Variants in PPARGC1A observed in about 807,000 individuals in gnomAD.
PPARGC1A encodes the protein PPARG coactivator 1 alpha, also known as peroxisome proliferator-activated receptor gamma coactivator 1-alpha.
PPARGC1A carries 25 observed loss-of-function variants against 88.7 expected under a neutral mutation model. The ratio of observed to expected loss-of-function variants is 0.28; its 90% CI spans 0.21 to 0.39. The LOEUF is 0.39. PPARGC1A is among the 10% of genes least tolerant of loss of function. The pLI is 1.00. For synonymous variants in PPARGC1A, 363 were observed against 355.6 expected, an observed-to-expected ratio of 1.02 and a Z score of -0.24; for missense variants, 880 against 968.7, an observed-to-expected ratio of 0.91 and a Z score of 1.22.
the PPARGC1A span, among the ~76,000 whole-genome samples, chr4:24,360,491 C>G: frequency 5.9e-5 from 9 of 152,268 alleles, no homozygotes; most frequent in African/African-American, 2.2e-4. Context: ...ATCACCATCA[C>G]TGCTTGGCAT....
the PPARGC1A span, among the ~76,000 whole-genome samples, chr4:24,109,017 CACCACACACA>C: frequency 6.7e-6 from 1 of 149,162 alleles, no homozygotes; most frequent in East Asian, 2.1e-4. Flanking sequence ...CACACACACA[CACCACACACA>C]CACACACACC....
chr4:24,465,163 G>A, the PPARGC1A span, among the ~76,000 whole-genome samples: 2 of 152,088 alleles, frequency 1.3e-5, no homozygotes, highest in South Asian at 4.1e-4. Flanking sequence ...ACCGTGCTCT[G>A]GCAAAATCAG....
intron 2 of PPARGC1A, among the ~76,000 whole-genome samples, chr4:23,855,395 G>A (rs574301415): frequency 6.6e-6 from 1 of 152,084 alleles, no homozygotes; most frequent in South Asian, 2.1e-4. Flanking sequence ...CAAATAGATG[G>A]TAAACTGGAA....
chr4:24,217,900 C>T, the PPARGC1A span, among the ~76,000 whole-genome samples: 3 of 152,086 alleles, frequency 2.0e-5, no homozygotes, highest in African/African-American at 4.8e-5. Flanking sequence ...TGATTCCCCC[C>T]GATTTTTAGC....
At chr4:24,174,115 C>G in the PPARGC1A span, among the ~76,000 whole-genome samples, 10 of 152,196 alleles carry the variant, frequency 6.6e-5, no homozygotes, top group Non-Finnish European at 1.3e-4. Context: ...CACCTCACAC[C>G]TGAATCAACA....
the PPARGC1A span, among the ~76,000 whole-genome samples, chr4:23,930,157 T>C: frequency 6.6e-6 from 1 of 152,210 alleles, no homozygotes; most frequent in Non-Finnish European, 1.5e-5. Flanking sequence ...CAAATCAGGT[T>C]TGAAATTCCT....
chr4:24,462,008 G>A, the PPARGC1A span, among the ~76,000 whole-genome samples: 8 of 152,128 alleles, frequency 5.3e-5, no homozygotes, highest in Non-Finnish European at 5.9e-5. Context: ...GGCTCCACTT[G>A]TAACACACAT....
the PPARGC1A span, among the ~76,000 whole-genome samples, chr4:23,973,642 C>T: frequency 6.6e-6 from 1 of 152,186 alleles, no homozygotes; most frequent in Admixed American, 6.5e-5. Flanking sequence ...AGCCAAATTT[C>T]ACACTCAATT....
At chr4:24,112,205 G>A in the PPARGC1A span, among the ~76,000 whole-genome samples, 1 of 152,158 alleles carries the variant, frequency 6.6e-6, no homozygotes, top group Non-Finnish European at 1.5e-5. Flanking sequence ...GACTCAAGTA[G>A]TGCCAATGTA....
chr4:24,163,215 A>G, the PPARGC1A span, among the ~76,000 whole-genome samples: 4 of 148,430 alleles, frequency 2.7e-5, no homozygotes, highest in East Asian at 7.9e-4. Flanking sequence ...CATACTAGAT[A>G]AAAGATTTGT....
the PPARGC1A span, among the ~76,000 whole-genome samples, chr4:24,242,515 A>G: frequency 1.2e-4 from 18 of 152,106 alleles, no homozygotes; most frequent in African/African-American, 4.3e-4. Context: ...CGATCTCCAT[A>G]AAGTCTGCTG....
At chr4:23,981,851 G>A in the PPARGC1A span, among the ~76,000 whole-genome samples, 1 of 152,092 alleles carries the variant, frequency 6.6e-6, no homozygotes, top group Non-Finnish European at 1.5e-5. Flanking sequence ...ACAAGGAATA[G>A]GGAAGCTAAG....
At chr4:23,825,625 A>C (rs1288899623) in intron 5 of PPARGC1A, among the ~76,000 whole-genome samples, 1 of 152,128 alleles carries the variant, frequency 6.6e-6, no homozygotes, top group East Asian at 1.9e-4. Flanking sequence ...AAAGTAAATT[A>C]ATCAACCCCA....
the PPARGC1A span, among the ~76,000 whole-genome samples, chr4:24,275,332 T>A: frequency 6.6e-6 from 1 of 152,204 alleles, no homozygotes; most frequent in African/African-American, 2.4e-5. Flanking sequence ...TCTGGGGAGT[T>A]GCTACAAGGT....
At chr4:24,019,162 A>G in the PPARGC1A span, among the ~76,000 whole-genome samples, 3 of 152,102 alleles carry the variant, frequency 2.0e-5, no homozygotes, top group African/African-American at 7.2e-5. Flanking sequence ...AGGCAATCCA[A>G]TTTTTCCCTA....
the PPARGC1A span, among the ~76,000 whole-genome samples, chr4:24,179,147 T>G: frequency 6.6e-6 from 1 of 152,196 alleles, no homozygotes; most frequent in Non-Finnish European, 1.5e-5. Flanking sequence ...CATGGCATAG[T>G]TGCAACTGTG....
the PPARGC1A span, among the ~76,000 whole-genome samples, chr4:24,344,721 A>C: frequency 2.7e-4 from 41 of 150,728 alleles, no homozygotes; most frequent in African/African-American, 9.1e-4. Flanking sequence ...TACTCTGCTG[A>C]CTCTTCCTTT....
chr4:24,214,000 A>T, the PPARGC1A span, among the ~76,000 whole-genome samples: 6 of 152,374 alleles, frequency 3.9e-5, no homozygotes, highest in African/African-American at 1.4e-4. Flanking sequence ...CATAAAGCGA[A>T]GCAGTTCACT....
the PPARGC1A span, among the ~76,000 whole-genome samples, chr4:24,343,680 C>G: frequency 6.6e-6 from 1 of 151,960 alleles, no homozygotes; most frequent in Non-Finnish European, 1.5e-5. Context: ...AAGATAATAT[C>G]TTGTAGGCAT....
Sources: gnomAD v4.1 joint callset for allele counts (sites outside exome capture counted in the v4.1 genomes callset) on GRCh38, gnomAD v4.1.1 for gene constraint, MANE v1.5 for transcripts, NCBI Gene and HGNC (gene_info 2026-07-23, HGNC 2026-07-21) for gene names.